The following TECR variants were observed in gnomAD, a reference collection of about 807,000 sequenced individuals.
TECR encodes very-long-chain enoyl-CoA reductase.
A neutral mutation model predicts 50.6 loss-of-function variants in TECR; 19 were observed. The ratio of observed to expected loss-of-function variants is 0.38; its 90% CI spans 0.26 to 0.55. The LOEUF (loss-of-function observed/expected upper bound fraction) is 0.55. Among genes scored for constraint, TECR ranks in the 20% least tolerant of loss-of-function variants. The pLI is 0.79. For missense variants in TECR, 313 were observed against 408.3 expected (o/e 0.77, Z 2.01); for synonymous variants, 168 against 163.5 (o/e 1.03, Z -0.21).
intron 1 of TECR, among the ~76,000 whole-genome samples, chr19:14,547,174 G>A (rs955647473): frequency 1.3e-5 from 2 of 151,930 alleles, no homozygotes; most frequent in African/African-American, 4.8e-5. Flanking sequence ...AAGGGATAAT[G>A]GTAGGTTTCA....
rs1045281557 is a variant in TECR at position 14,562,575 on chromosome 19, G to A, written c.66G>A (p.Lys22=). The part of the protein sequence containing the change: ...KTREKLCFLD[K]VEPHATIAEI... ...GGGAGAAGCTGTGTTTCTTGGACAA[G>A]GTAGGACTGGGGCGTGGGCTGCACT... is the stretch of plus-strand genomic sequence containing the variant. Residue 22 remains lysine (K), a splice_region_variant and synonymous_variant, in exon 2 of 13, where the codon AAG becomes AAA. Transcript: ENST00000215567. The A allele has an allele frequency of 6.2e-7, 1 of 1,614,224 alleles. No individual in the cohort carries two copies. The highest frequency in any genetic ancestry group is 1.1e-5 in the South Asian group (1 of 91,084).
intron 1 of TECR, among the ~76,000 whole-genome samples, chr19:14,557,151 T>TTATTTATC (rs1368818546): frequency 6.6e-6 from 1 of 151,520 alleles, no homozygotes; most frequent in Non-Finnish European, 1.5e-5. Flanking sequence ...ATTTATTTAT[T>TTATTTATC]TATTTTGAGA....
chr19:14,563,339 C>A lies in TECR; in HGVS notation c.118+82C>A. The A allele has an allele frequency of 7.5e-7, 1 of 1,328,688 alleles. No homozygotes were observed. Among genetic ancestry groups the A allele is most frequent in the Non-Finnish European group, 1.1e-6 (1 of 936,264 alleles). The allele number at this position is 1,328,688 out of a possible 1,614,324, so 82.3% of individuals were successfully genotyped here. Reference sequence around the variant, plus strand: ...GGTGGGAGGGATCCCATCCTGCACCCCTCTCCCAGGGGCCTGCAGAGATGC... The same window carrying A: ...GGTGGGAGGGATCCCATCCTGCACCACTCTCCCAGGGGCCTGCAGAGATGC... On this transcript the variant is annotated intron_variant, in intron 3 of 12. Coordinates refer to ENST00000215567, the MANE Select transcript of TECR (RefSeq NM_138501.6). This position sits in a 1 kb window ranked among gnomAD's most constrained non-coding sequence, Gnocchi z 5.3.
At chr19:14,543,062 A>C (rs1419760969) in intron 1 of TECR, among the ~76,000 whole-genome samples, 2 of 65,834 alleles carry the variant, frequency 3.0e-5, no homozygotes, top group African/African-American at 6.0e-5. Context: ...GCTTGTCCTC[A>C]GGGTGGGGTG....
intron 1 of TECR, chr19:14,562,249 T>C (rs2073925206): frequency 3.3e-6 from 2 of 603,708 alleles, no homozygotes; most frequent in South Asian, 4.0e-5. Flanking sequence ...CACGGGCTCC[T>C]TTCCAGCACC....
rs765142855 is a variant in TECR at position 14,529,726 on chromosome 19, A to G, written c.15+15A>G. 4.3e-5 allele frequency: 69 copies of G among 1,613,916 alleles called. 1 individual carries two copies. The East Asian group carries it at 1.3e-3, about 31-fold the overall frequency. The stretch of plus-strand genomic sequence containing the variant: ...AGCATTACGAGGTAAGAAGCGAGAA[A>G]CAGGGGCCGTGTGGCCACTGCTGAC... On this transcript the variant is annotated intron_variant, in intron 1 of 12. Transcript: ENST00000215567.
intron 1 of TECR, among the ~76,000 whole-genome samples, chr19:14,533,289 G>A (rs1044244800): frequency 2.0e-5 from 3 of 151,760 alleles, no homozygotes; most frequent in South Asian, 2.1e-4. Flanking sequence ...GTGTGGTGGC[G>A]CACGCCTGAA....
At chr19:14,554,146 T>A (rs2073637935) in intron 1 of TECR, among the ~76,000 whole-genome samples, 1 of 152,168 alleles carries the variant, frequency 6.6e-6, no homozygotes. Flanking sequence ...GCTCTGGGAT[T>A]TACTGCTTAG....
At chr19:14,565,551 G>A in intron 11 of TECR, 67 bp from the exon 12 acceptor site, 1 of 1,566,642 alleles carries the variant, frequency 6.4e-7, no homozygotes, top group Non-Finnish European at 8.6e-7. Context: ...GTGGCTGGCT[G>A]AGTCCAGGAC....
chr19:14,549,360 G>GCC (rs2073414850), intron 1 of TECR, among the ~76,000 whole-genome samples: 2 of 151,894 alleles, frequency 1.3e-5, no homozygotes, highest in Admixed American at 6.6e-5. Flanking sequence ...CTACAGGCAT[G>GCC]CGCCACCATG....
intron 1 of TECR, among the ~76,000 whole-genome samples, chr19:14,557,736 G>A (rs1363604239): frequency 6.7e-6 from 1 of 148,676 alleles, no homozygotes; most frequent in South Asian, 2.1e-4. Flanking sequence ...ACAGGCATGA[G>A]CCACCGTGCC....
At chr19:14,537,228 C>T (rs1751301949) in intron 1 of TECR, among the ~76,000 whole-genome samples, 1 of 103,456 alleles carries the variant, frequency 9.7e-6, no homozygotes, top group African/African-American at 4.0e-5. Context: ...GGAGGCGGGG[C>T]AAGAAGGAAG....
At chr19:14,547,343 CTATTTTATTT>C (rs149850437) in intron 1 of TECR, among the ~76,000 whole-genome samples, 28,479 of 151,628 alleles carry the variant, frequency 0.19, 3,150 homozygotes, top group South Asian at 0.36. Context: ...CGTACCTGGC[CTATTTTATTT>C]TATTTTATTT....
intron 1 of TECR, among the ~76,000 whole-genome samples, chr19:14,539,140 ATTTTTTTTTTTTTTT>A (rs57801378): frequency 1.1e-5 from 1 of 92,544 alleles, no homozygotes; most frequent in South Asian, 4.2e-4. Context: ...CGCCCGGCTA[ATTTTTTTTTTTTTTT>A]TTTTTTTTTT....
intron 1 of TECR, among the ~76,000 whole-genome samples, chr19:14,561,543 G>A (rs2073902572): frequency 6.6e-6 from 1 of 152,176 alleles, no homozygotes; most frequent in South Asian, 2.1e-4. Flanking sequence ...TTGGACGCAG[G>A]AAGCGCCGGG....
chr19:14,553,793 C>CA (rs2073623475), intron 1 of TECR, among the ~76,000 whole-genome samples: 1 of 152,148 alleles, frequency 6.6e-6, no homozygotes, highest in Admixed American at 6.5e-5. Flanking sequence ...ATTGGCTGGA[C>CA]AGGGAGCTCA....
intron 1 of TECR, among the ~76,000 whole-genome samples, chr19:14,540,710 G>A (rs1176240282): frequency 2.1e-5 from 3 of 143,494 alleles, no homozygotes; most frequent in Admixed American, 2.1e-4. Flanking sequence ...TGTATTTTTA[G>A]TAGAGGCAAG....
chr19:14,546,256 A>G (rs1439443808), intron 1 of TECR, among the ~76,000 whole-genome samples: 3 of 145,456 alleles, frequency 2.1e-5, no homozygotes, highest in African/African-American at 7.4e-5. Context: ...ACTCAGAAGG[A>G]ATTCTAGATT....
rs370937224 is a variant in TECR, at chr19:14,564,240, G to T, written c.442G>T (p.Val148Leu). The T allele has an allele frequency of 1.2e-6, 2 of 1,607,488 alleles. No individual in the cohort carries two copies. Among genetic ancestry groups the T allele is most frequent in the African/African-American group, 1.3e-5 (1 of 74,748 alleles). ...CAAGCGCCTGCTGGAGACGCTCTTCGTGCACCGCTTCTCCCATGGCACTAT... is the reference window on the plus strand; with the variant it reads ...CAAGCGCCTGCTGGAGACGCTCTTCTTGCACCGCTTCTCCCATGGCACTAT... ...YIKRLLETLF[V>L]HRFSHGTMPL... Residue 148 changes from valine to leucine, a missense_variant, in exon 7 of 13, where the codon GTG (valine) becomes TTG (leucine). Coordinates refer to ENST00000215567, the MANE Select transcript of TECR (RefSeq NM_138501.6).
Sources: gnomAD v4.1 joint callset for allele counts (sites outside exome capture counted in the v4.1 genomes callset) on GRCh38, gnomAD v4.1.1 for gene constraint, Gnocchi (gnomAD v3.1) non-coding constraint, MANE v1.5 for transcripts, NCBI Gene and HGNC (gene_info 2026-07-23, HGNC 2026-07-21) for gene names.